The following PCDHA2 variants were observed in gnomAD, a reference collection of about 807,000 sequenced individuals.
The protein encoded by PCDHA2 is protocadherin alpha 2.
A neutral mutation model predicts 66.0 loss-of-function variants in PCDHA2; 58 were observed. The ratio of observed to expected loss-of-function variants is 0.88; its 90% CI spans 0.71 to 1.09. PCDHA2 has a LOEUF of 1.09. Ranked by LOEUF, PCDHA2 falls within the 50% of genes least tolerant of loss-of-function variation. The pLI is 0.00. For missense variants in PCDHA2, 1,267 were observed against 1,242.3 expected (o/e 1.02, Z -0.30); for synonymous variants, 634 against 554.0 (o/e 1.14, Z -2.03).
At chr5:140,854,315 C>A in intron 1 of PCDHA2, 1 of 280,416 alleles carries the variant, frequency 3.6e-6, no homozygotes, top group South Asian at 1.3e-4. Context: ...GATGATTGAT[C>A]AATGGCAAAC....
At chr5:140,967,695 T>G in intron 1 of PCDHA2, 1 of 1,614,184 alleles carries the variant, frequency 6.2e-7, no homozygotes, top group Non-Finnish European at 8.5e-7. Flanking sequence ...CTCTTCAGCA[T>G]AGATGCCAGT....
intron 1 of PCDHA2, among the ~76,000 whole-genome samples, chr5:140,923,970 C>T (rs2081601306): frequency 2.6e-5 from 4 of 152,220 alleles, no homozygotes; most frequent in Admixed American, 2.6e-4. Flanking sequence ...TATACCCACA[C>T]ATACTATCCC....
intron 1 of PCDHA2, chr5:140,883,818 T>A (rs1349664661): frequency 6.2e-7 from 1 of 1,612,072 alleles, no homozygotes; most frequent in African/African-American, 1.3e-5. Flanking sequence ...AGCGGCAAGG[T>A]GTACGCGCTG....
At chr5:140,846,481 T>A (rs1181531139) in intron 1 of PCDHA2, among the ~76,000 whole-genome samples, 1 of 146,696 alleles carries the variant, frequency 6.8e-6, no homozygotes, top group Non-Finnish European at 1.5e-5. Context: ...TTCAAATGAT[T>A]CTCCTTCCTC....
rs1391320223 is a variant in PCDHA2, at chr5:140,927,345, C to T, written c.2389-51604C>T. The T allele has an allele frequency of 1.2e-6, 2 of 1,614,012 alleles. 1 individual carries two copies. On this transcript the variant is annotated intron_variant, in intron 1 of 3. Transcript: ENST00000526136. The stretch of plus-strand genomic sequence containing the variant: ...TTACTCTCCCGAATGCCCAAGATGA[C>T]GACGAGGGAAGCAATGGGATACTAA...
intron 2 of PCDHA2, among the ~76,000 whole-genome samples, chr5:140,979,275 C>T (rs141662665): frequency 6.6e-6 from 1 of 152,320 alleles, no homozygotes; most frequent in East Asian, 1.9e-4. Flanking sequence ...AAAATTTCTA[C>T]AGGGAAGTAA....
At chr5:140,848,736 A>G (rs1339313623) in intron 1 of PCDHA2, 1 of 1,592,708 alleles carries the variant, frequency 6.3e-7, no homozygotes. Context: ...AAATCTGCAG[A>G]ATGGCATTTT....
intron 1 of PCDHA2, among the ~76,000 whole-genome samples, chr5:140,880,149 A>G (rs1347832078): frequency 1.3e-5 from 2 of 152,266 alleles, no homozygotes; most frequent in Non-Finnish European, 2.9e-5. Flanking sequence ...AGTGCAATAT[A>G]TCAAGTATAT....
chr5:140,967,023 G>A, intron 1 of PCDHA2: 1 of 1,608,160 alleles, frequency 6.2e-7, no homozygotes, highest in South Asian at 1.1e-5. Context: ...GGTGCGCCCA[G>A]TCCGCGCTAC....
rs145175505 is a variant in PCDHA2, at chr5:140,843,176, C to T, written c.2388+45824C>T. On this transcript the variant is annotated intron_variant, in intron 1 of 3. Coordinates refer to ENST00000526136, the MANE Select transcript of PCDHA2 (RefSeq NM_018905.3). ...GCTGCAGCCAGCTGCAAGCAGCCCT[C>T]GCATCCCGTTCCGCGTGGGGCTGTA... 1.2e-5 allele frequency: 19 copies of T among 1,595,968 alleles called. 3 individuals carry two copies. Among genetic ancestry groups the T allele is most frequent in the Non-Finnish European group, 1.5e-5 (18 of 1,165,618 alleles).
At chr5:140,850,843 CA>C in intron 1 of PCDHA2, 1 of 1,597,346 alleles carries the variant, frequency 6.3e-7, no homozygotes, top group Non-Finnish European at 8.6e-7. Flanking sequence ...GCTGGATCTA[CA>C]GAGCGAACGG....
At chr5:140,822,080 G>A in intron 1 of PCDHA2, 1 of 1,614,258 alleles carries the variant, frequency 6.2e-7, no homozygotes, top group Non-Finnish European at 8.5e-7. Flanking sequence ...GCGGAGTGCA[G>A]CATCCACCTG....
intron 1 of PCDHA2, chr5:140,866,423 G>A (rs2049350651): frequency 6.6e-6 from 1 of 151,088 alleles, no homozygotes; most frequent in South Asian, 2.1e-4. Flanking sequence ...ATGTGTGTAG[G>A]TCTTTCAGTC....
At chr5:140,865,982 C>T (rs2049081742) in intron 1 of PCDHA2, 1 of 152,078 alleles carries the variant, frequency 6.6e-6, no homozygotes, top group South Asian at 2.1e-4. Flanking sequence ...ATTGAGATGG[C>T]ACTAAGTTTT....
chr5:140,899,191 C>G (rs1583332627), intron 1 of PCDHA2, among the ~76,000 whole-genome samples: 2 of 151,090 alleles, frequency 1.3e-5, no homozygotes, highest in Non-Finnish European at 3.0e-5. Flanking sequence ...TTTCCTTCTC[C>G]TGCCTAATTG....
rs548266069 is a variant in PCDHA2 at position 140,886,217 on chromosome 5, T to G, written c.2388+88865T>G. Among the ~76,000 whole-genome samples, 388 of 152,238 alleles carry G rather than the reference T, an allele frequency of 2.5e-3. 1 individual carries two copies. Among genetic ancestry groups the G allele is most frequent in the African/African-American group, 9.1e-3 (377 of 41,582 alleles). Reference sequence around the variant, plus strand: ...GTAATCTGTTCTCCATTTCTCTAATTTTGTTACTTTTACTTCAGAAATAAA... The same window carrying G: ...GTAATCTGTTCTCCATTTCTCTAATGTTGTTACTTTTACTTCAGAAATAAA... On this transcript the variant is annotated intron_variant, in intron 1 of 3. Coordinates refer to ENST00000526136, the MANE Select transcript of PCDHA2 (RefSeq NM_018905.3).
intron 1 of PCDHA2, chr5:140,859,924 T>C (rs1554152837): frequency 6.6e-6 from 1 of 151,964 alleles, no homozygotes; most frequent in African/African-American, 2.4e-5. Flanking sequence ...ATAAGTAATA[T>C]AAAAAACTTA....
intron 1 of PCDHA2, chr5:140,967,137 T>C: frequency 1.2e-6 from 2 of 1,611,728 alleles, no homozygotes; most frequent in Non-Finnish European, 1.7e-6. Context: ...TTGGAAGTGC[T>C]GGCGCACAAC....
Position 140,796,613 on chromosome 5 carries a change from C to G in PCDHA2, c.1649C>G (p.Thr550Arg), listed in dbSNP as rs202245278. The G allele has an allele frequency of 1.7e-4, 271 of 1,611,818 alleles. No homozygotes were observed. The highest frequency in any genetic ancestry group is 4.0e-5 in the Non-Finnish European group (47 of 1,179,404). ...GTGCCGCCTCTGGGCAGCAACGTGA[C>G]GCTGCAGGTGTTCGTGCTGGACGAG... ...AGVPPLGSNV[T>R]LQVFVLDEND... The change falls in exon 1 of 4, where the codon ACG (threonine) becomes AGG (arginine). Residue 550 changes from threonine (T) to arginine (R), a missense_variant. By Grantham distance (71) the Thr-to-Arg change is moderately conservative (BLOSUM62 -1). Transcript: ENST00000526136.
Sources: gnomAD v4.1 joint callset for allele counts (sites outside exome capture counted in the v4.1 genomes callset) on GRCh38, gnomAD v4.1.1 for gene constraint, MANE v1.5 for transcripts, NCBI Gene and HGNC (gene_info 2026-07-23, HGNC 2026-07-21) for gene names.